The following SUGCT variants were observed in gnomAD, a reference collection of about 807,000 sequenced individuals.
SUGCT encodes succinyl-CoA:glutarate-CoA transferase.
Under a neutral mutation model 55.0 loss-of-function variants are expected in SUGCT, and 41 were observed. The observed-to-expected ratio is 0.74, with a 90% confidence interval of 0.58 to 0.97. SUGCT has a LOEUF of 0.97. SUGCT is among the 50% of genes least tolerant of loss of function. The pLI, the probability that SUGCT is intolerant of heterozygous loss-of-function variation, is 0.00. For missense variants in SUGCT, 568 were observed against 547.8 expected (o/e 1.04, Z -0.37); for synonymous variants, 187 against 200.4 (o/e 0.93, Z 0.56).
chr7:40,874,480 A>C, the SUGCT span, among the ~76,000 whole-genome samples: 1 of 152,206 alleles, frequency 6.6e-6, no homozygotes, highest in Non-Finnish European at 1.5e-5. Flanking sequence ...TTATATCATG[A>C]TTCTTCTTGC....
At chr7:40,992,558 C>T in the SUGCT span, among the ~76,000 whole-genome samples, 2 of 152,116 alleles carry the variant, frequency 1.3e-5, no homozygotes, top group African/African-American at 4.8e-5. Context: ...GTTCAAATAC[C>T]TCTGACAAAA....
intron 9 of SUGCT, among the ~76,000 whole-genome samples, chr7:40,347,942 T>C (rs1797410522): frequency 6.6e-6 from 1 of 152,196 alleles, no homozygotes; most frequent in Non-Finnish European, 1.5e-5. Flanking sequence ...CTAGCATTCT[T>C]TTCTTGGGAG....
At chr7:40,735,758 G>GA (rs1402929956) in intron 12 of SUGCT, among the ~76,000 whole-genome samples, 1 of 151,978 alleles carries the variant, frequency 6.6e-6, no homozygotes, top group African/African-American at 2.4e-5. Context: ...GAAGACTGAA[G>GA]AAAAAAACAG....
chr7:40,470,329 C>A (rs1366997357), intron 11 of SUGCT, among the ~76,000 whole-genome samples: 2 of 152,094 alleles, frequency 1.3e-5, no homozygotes, highest in African/African-American at 4.8e-5. Context: ...GGCTCTCCAG[C>A]ATGGACTTTG....
At chr7:40,523,410 T>C (rs1793653906) in intron 12 of SUGCT, among the ~76,000 whole-genome samples, 1 of 152,090 alleles carries the variant, frequency 6.6e-6, no homozygotes, top group Admixed American at 6.6e-5. Context: ...GTTTTCTCCA[T>C]GGAAAAGACT....
intron 9 of SUGCT, among the ~76,000 whole-genome samples, chr7:40,415,106 A>G (rs896215037): frequency 1.4e-5 from 2 of 148,104 alleles, no homozygotes; most frequent in African/African-American, 5.0e-5. Flanking sequence ...CTATCTATCT[A>G]TCTATCTATA....
At chr7:40,317,006 C>T (rs1795477345) in intron 9 of SUGCT, among the ~76,000 whole-genome samples, 151 bp downstream of exon 9, 1 of 103,018 alleles carries the variant, frequency 9.7e-6, no homozygotes, top group Non-Finnish European at 1.9e-5. Flanking sequence ...TAACAAGGTT[C>T]TGTTGTTCAC....
At chr7:40,348,595 C>T (rs987832619) in intron 9 of SUGCT, among the ~76,000 whole-genome samples, 7 of 152,130 alleles carry the variant, frequency 4.6e-5, no homozygotes, top group African/African-American at 1.7e-4. Flanking sequence ...CACTCCCCCA[C>T]CTTTTTTGTT....
chr7:40,761,606 T>C (rs1013738220), intron 13 of SUGCT, among the ~76,000 whole-genome samples: 1 of 152,238 alleles, frequency 6.6e-6, no homozygotes, highest in Non-Finnish European at 1.5e-5. Context: ...ATTGATAGTC[T>C]GAAATGTGTT....
the SUGCT span, among the ~76,000 whole-genome samples, chr7:40,922,041 TAGAA>T: frequency 6.6e-6 from 1 of 152,066 alleles, no homozygotes; most frequent in Non-Finnish European, 1.5e-5. Flanking sequence ...TCAGATGTGT[TAGAA>T]AGGAAAAAAA....
chr7:40,962,321 A>G, the SUGCT span, among the ~76,000 whole-genome samples: 1 of 152,152 alleles, frequency 6.6e-6, no homozygotes, highest in Non-Finnish European at 1.5e-5. Flanking sequence ...TTAGCTAGAC[A>G]CAGAGCACTG....
the SUGCT span, among the ~76,000 whole-genome samples, chr7:41,017,853 G>A: frequency 6.6e-6 from 1 of 151,930 alleles, no homozygotes; most frequent in Non-Finnish European, 1.5e-5. Flanking sequence ...AAAGAGATGG[G>A]AGTAGGATGC....
chr7:40,953,158 T>C, the SUGCT span, among the ~76,000 whole-genome samples: 1 of 152,218 alleles, frequency 6.6e-6, no homozygotes, highest in Non-Finnish European at 1.5e-5. Flanking sequence ...TTTCTTTTTA[T>C]TCTTTTTCCT....
intron 7 of SUGCT, among the ~76,000 whole-genome samples, chr7:40,273,727 C>T (rs1424633523): frequency 6.6e-6 from 1 of 152,160 alleles, no homozygotes; most frequent in African/African-American, 2.4e-5. Context: ...TTGAGAGAGG[C>T]CCCCGGATCC....
At chr7:40,340,817 G>A (rs1797003679) in intron 9 of SUGCT, among the ~76,000 whole-genome samples, 1 of 151,994 alleles carries the variant, frequency 6.6e-6, no homozygotes, top group Non-Finnish European at 1.5e-5. Context: ...TGATGATCAG[G>A]GTGCTCACGG....
chr7:40,751,463 G>A (rs1788007888), intron 13 of SUGCT, among the ~76,000 whole-genome samples: 1 of 152,004 alleles, frequency 6.6e-6, no homozygotes, highest in African/African-American at 2.4e-5. Flanking sequence ...AAAAAGAAGG[G>A]GTGGTTAAAA....
At chr7:40,400,437 A>T (rs1035981074) in intron 9 of SUGCT, among the ~76,000 whole-genome samples, 1 of 152,202 alleles carries the variant, frequency 6.6e-6, no homozygotes, top group African/African-American at 2.4e-5. Flanking sequence ...ATAGAAGTGC[A>T]TGTATCCTTT....
At chr7:40,686,352 G>C (rs565422490) in intron 12 of SUGCT, among the ~76,000 whole-genome samples, 1 of 152,172 alleles carries the variant, frequency 6.6e-6, no homozygotes, top group African/African-American at 2.4e-5. Context: ...AATAGTAATG[G>C]TACTTCTAAA....
chr7:40,324,290 C>G (rs1279101159), intron 9 of SUGCT, among the ~76,000 whole-genome samples: 1 of 100,498 alleles, frequency 1.0e-5, no homozygotes, highest in Non-Finnish European at 2.1e-5. Context: ...GAGTCTTGCT[C>G]TGTTGCCCAG....
Sources: allele counts gnomAD v4.1 joint callset (sites outside exome capture counted in the v4.1 genomes callset), GRCh38; gene constraint gnomAD v4.1.1; transcripts MANE v1.5; gene names NCBI Gene and HGNC (gene_info 2026-07-23, HGNC 2026-07-21).